Variants in PPP3CA observed in about 807,000 individuals in gnomAD.
The protein encoded by PPP3CA is CAM-PRP catalytic subunit.
PPP3CA carries 14 observed loss-of-function variants against 66.5 expected under a neutral mutation model. The ratio of observed to expected loss-of-function variants is 0.21; its 90% CI spans 0.14 to 0.33. The LOEUF is 0.33. Ranked by LOEUF, PPP3CA falls within the 10% of genes least tolerant of loss-of-function variation. PPP3CA has a pLI of 1.00. For missense variants in PPP3CA, 317 were observed against 639.5 expected (o/e 0.50, Z 5.44); for synonymous variants, 232 against 226.2 (o/e 1.03, Z -0.23).
At chr4:101,125,693 A>G (rs1722224150) in intron 2 of PPP3CA, among the ~76,000 whole-genome samples, 1 of 152,346 alleles carries the variant, frequency 6.6e-6, no homozygotes, top group African/African-American at 2.4e-5. Flanking sequence ...TCATTGCAGT[A>G]GCCATTCCAG....
chr4:101,114,675 T>C (rs370493963), intron 2 of PPP3CA, among the ~76,000 whole-genome samples: 2 of 152,062 alleles, frequency 1.3e-5, no homozygotes, highest in African/African-American at 4.8e-5. Context: ...AAGCAAACAA[T>C]TACTTTTGCA....
chr4:101,324,624 C>T (rs1007634956), intron 1 of PPP3CA, among the ~76,000 whole-genome samples: 5 of 151,998 alleles, frequency 3.3e-5, no homozygotes, highest in African/African-American at 1.2e-4. Flanking sequence ...CAGTTTTTGT[C>T]CATTTGGTAT....
chr4:101,287,919 C>T (rs1357632291), intron 1 of PPP3CA, among the ~76,000 whole-genome samples: 1 of 152,014 alleles, frequency 6.6e-6, no homozygotes, highest in African/African-American at 2.4e-5. Flanking sequence ...CAGTTTTCAA[C>T]AACCCAATTC....
At chr4:101,154,075 T>C (rs1207775135) in intron 2 of PPP3CA, among the ~76,000 whole-genome samples, 1 of 152,140 alleles carries the variant, frequency 6.6e-6, no homozygotes, top group Non-Finnish European at 1.5e-5. Flanking sequence ...ACCAACTCAG[T>C]TTTTTATGAA....
intron 1 of PPP3CA, among the ~76,000 whole-genome samples, chr4:101,231,329 C>T (rs1387846596): frequency 6.6e-6 from 1 of 151,662 alleles, no homozygotes; most frequent in Non-Finnish European, 1.5e-5. Context: ...AGAGAACAGA[C>T]TCCATGATTT....
chr4:101,163,862 G>A (rs1028312208), intron 2 of PPP3CA, among the ~76,000 whole-genome samples: 1 of 152,028 alleles, frequency 6.6e-6, no homozygotes, highest in Non-Finnish European at 1.5e-5. Flanking sequence ...GCACTATACT[G>A]AGGTTTAGGG....
In PPP3CA at chr4:101,029,150, GGACTGGC is replaced by G. The variant is rs1726802839; in HGVS notation, c.1369+9_1369+15del. 6.3e-7 allele frequency: 1 copy of G among 1,588,952 alleles called. No individual in the cohort carries two copies. Among genetic ancestry groups the G allele is most frequent in the South Asian group, 1.1e-5 (1 of 90,576 alleles). ...ATCTGTTGCAGGTACAACAGAAAGG[GGACTGGC>G]CAATTTACCTTCATCAGCCTCAATA... is the stretch of plus-strand genomic sequence containing the variant. On this transcript the variant is annotated intron_variant, in intron 13 of 13. Coordinates refer to ENST00000394854, the MANE Select transcript of PPP3CA (RefSeq NM_000944.5).
intron 2 of PPP3CA, among the ~76,000 whole-genome samples, chr4:101,144,257 C>T (rs920936467): frequency 2.6e-5 from 4 of 152,148 alleles, no homozygotes; most frequent in African/African-American, 9.7e-5. Context: ...AAGTCTTTTC[C>T]TTACTAAATA....
intron 2 of PPP3CA, among the ~76,000 whole-genome samples, chr4:101,155,051 A>G (rs1005363034): frequency 1.3e-5 from 2 of 152,012 alleles, no homozygotes; most frequent in Admixed American, 6.5e-5. Flanking sequence ...TCTTGACCTC[A>G]TGATCTGCCC....
chr4:101,322,080 T>C (rs1729057895), intron 1 of PPP3CA, among the ~76,000 whole-genome samples: 1 of 152,222 alleles, frequency 6.6e-6, no homozygotes, highest in Non-Finnish European at 1.5e-5. Context: ...TCTGGTTAAA[T>C]GTTAGAGAAA....
chr4:101,305,804 GA>G (rs1406572952), intron 1 of PPP3CA, among the ~76,000 whole-genome samples: 1 of 152,150 alleles, frequency 6.6e-6, no homozygotes, highest in Non-Finnish European at 1.5e-5. Flanking sequence ...CAATGATAAT[GA>G]AGTTTCAACC....
rs3730253 is a variant in PPP3CA, at chr4:101,108,936, G to A, written c.384+18C>T. On this transcript the variant is annotated intron_variant, in intron 3 of 13. Coordinates refer to ENST00000394854, the MANE Select transcript of PPP3CA (RefSeq NM_000944.5). ...TAATCCATAACTGAACAGCAAAGAA[G>A]ACATGATGTAGACTTACTTCAATAC... 99 of 1,609,824 alleles carry A rather than the reference G, an allele frequency of 6.1e-5. No individual in the cohort carries two copies. In the African/African-American group the frequency reaches 1.1e-3, roughly 18 times the overall value.
At chr4:101,042,722 C>T (rs184029035) in intron 10 of PPP3CA, among the ~76,000 whole-genome samples, 3 of 151,570 alleles carry the variant, frequency 2.0e-5, no homozygotes, top group South Asian at 4.2e-4. Flanking sequence ...TCAAATTCTG[C>T]TCTGGAGACC....
At chr4:101,337,036 G>C (rs774308594) in intron 1 of PPP3CA, among the ~76,000 whole-genome samples, 1 of 152,102 alleles carries the variant, frequency 6.6e-6, no homozygotes, top group Admixed American at 6.5e-5. Flanking sequence ...GATTTCCATG[G>C]TTCCTTCCAG....
chr4:101,198,686 G>A (rs978239077), intron 1 of PPP3CA, among the ~76,000 whole-genome samples: 1 of 152,128 alleles, frequency 6.6e-6, no homozygotes, highest in South Asian at 2.1e-4. Flanking sequence ...GAGGCAACAG[G>A]AGAGCACCCC....
rs1726849587 is a variant in PPP3CA, at chr4:101,029,669, A to G, written c.1340-474T>C. Among the ~76,000 whole-genome samples, 3 of 151,870 alleles carry G rather than the reference A, an allele frequency of 2.0e-5. No homozygotes were observed. The South Asian group carries it at 6.2e-4, about 32-fold the overall frequency. ...CAATATCAGTGGGATCATTCACACTATTTAATATTAAACAGCACTATTTCC... is the reference window on the plus strand; with the variant it reads ...CAATATCAGTGGGATCATTCACACTGTTTAATATTAAACAGCACTATTTCC... On this transcript the variant is annotated intron_variant, in intron 12 of 13. Transcript: ENST00000394854.
rs114622681 is a variant in PPP3CA, at chr4:101,330,636, G to A, written c.58+16103C>T. Among the ~76,000 whole-genome samples the A allele has an allele frequency of 6.5e-3, 983 of 152,014 alleles. 11 individuals carry two copies. Among genetic ancestry groups the A allele is most frequent in the African/African-American group, 0.022 (931 of 41,478 alleles). ...TGTGACTAGCTTTCCTGTGATATTC[G>A]CTCTATTGTGGCAGTCTGGAATATC... On this transcript the variant is annotated intron_variant, in intron 1 of 13. Coordinates refer to ENST00000394854, the MANE Select transcript of PPP3CA (RefSeq NM_000944.5).
At chr4:101,304,983 A>G (rs1410581011) in intron 1 of PPP3CA, among the ~76,000 whole-genome samples, 1 of 152,242 alleles carries the variant, frequency 6.6e-6, no homozygotes, top group African/African-American at 2.4e-5. Flanking sequence ...GAAGAAAGCT[A>G]TTAGTAAAAC....
chr4:101,067,609 A>G (rs1361891125), intron 8 of PPP3CA, among the ~76,000 whole-genome samples: 1 of 147,152 alleles, frequency 6.8e-6, no homozygotes, highest in Non-Finnish European at 1.5e-5. Context: ...TACAATTTCC[A>G]TCACCCAGGG....
Sources: allele counts gnomAD v4.1 joint callset (sites outside exome capture counted in the v4.1 genomes callset), GRCh38; gene constraint gnomAD v4.1.1; transcripts MANE v1.5; gene names NCBI Gene and HGNC (gene_info 2026-07-23, HGNC 2026-07-21).